The following ZFHX4 variants were observed in gnomAD, a reference collection of about 807,000 sequenced individuals.
ZFHX4 encodes the protein zinc finger homeobox 4.
In ZFHX4, 56 loss-of-function variants were observed where a neutral mutation model predicts 267.6. The observed-to-expected ratio is 0.21, with a 90% CI of 0.17 to 0.26. The LOEUF (loss-of-function observed/expected upper bound fraction) is 0.26, where lower values mean the gene tolerates loss of function less well. ZFHX4 is among the 10% of genes least tolerant of loss of function. ZFHX4 has a pLI of 1.00. For synonymous variants in ZFHX4, 1,778 were observed against 1,665.6 expected (o/e 1.07, Z -1.64); for missense variants, 4,332 against 4,420.0 (o/e 0.98, Z 0.56).
At chr8:76,768,007 G>A (rs1480672947) in intron 3 of ZFHX4, among the ~76,000 whole-genome samples, 1 of 152,154 alleles carries the variant, frequency 6.6e-6, no homozygotes, top group Admixed American at 6.6e-5. Context: ...GGAGGACAAG[G>A]ATACCTCTGG....
chr8:76,766,024 T>C (rs11990806), intron 3 of ZFHX4, among the ~76,000 whole-genome samples: 4 of 152,152 alleles, frequency 2.6e-5, no homozygotes, highest in African/African-American at 9.6e-5. Context: ...ACCTTTCTAA[T>C]GTATCTAATA....
chr8:76,815,587 G>A (rs968921587), intron 4 of ZFHX4, among the ~76,000 whole-genome samples: 6 of 151,920 alleles, frequency 3.9e-5, no homozygotes, highest in Non-Finnish European at 8.8e-5. Context: ...CTGTAGCCTC[G>A]AAATCCTGGG....
rs888794750 is a variant in ZFHX4, at chr8:76,772,864, G to A, written c.3094-5344G>A. ...TGCTATTCCATCTGCCTTGACTGCCGCTCTACCTGTTGTCCATGACAAAAA... is the reference window on the plus strand; with the variant it reads ...TGCTATTCCATCTGCCTTGACTGCCACTCTACCTGTTGTCCATGACAAAAA... On this transcript the variant is annotated intron_variant, in intron 3 of 10. Coordinates refer to ENST00000651372, the MANE Select transcript of ZFHX4 (RefSeq NM_024721.5). Among the ~76,000 whole-genome samples the A allele has an allele frequency of 3.3e-5, 5 of 151,988 alleles. No homozygotes were observed. The South Asian group carries it at 6.2e-4, about 19-fold the overall frequency.
chr8:76,791,596 T>A (rs564091062), intron 4 of ZFHX4, among the ~76,000 whole-genome samples: 20 of 152,160 alleles, frequency 1.3e-4, no homozygotes, highest in Admixed American at 2.0e-4. Flanking sequence ...AGTACTGAAC[T>A]TATTTTAGGA....
Position 76,726,434 on chromosome 8 carries a change from G to A in ZFHX4, c.3093+18386G>A, listed in dbSNP as rs1283789324. ...AATGGACACATGACCATCTCATCAA[G>A]AGGCCCATAACTTGGGAATATGGAA... On this transcript the variant is annotated intron_variant, in intron 3 of 10. Transcript: ENST00000651372. Among the ~76,000 whole-genome samples, 7 of 152,178 alleles carry A rather than the reference G, an allele frequency of 4.6e-5. No homozygotes were observed. The East Asian group carries it at 1.4e-3, about 29-fold the overall frequency.
At chr8:76,825,807 A>G (rs1811769340) in intron 4 of ZFHX4, among the ~76,000 whole-genome samples, 1 of 152,176 alleles carries the variant, frequency 6.6e-6, no homozygotes, top group Non-Finnish European at 1.5e-5. Context: ...ATTCAACTCT[A>G]TGGTTGTAGT....
intron 4 of ZFHX4, among the ~76,000 whole-genome samples, chr8:76,800,320 T>C (rs1357106612): frequency 1.3e-5 from 2 of 152,178 alleles, no homozygotes; most frequent in Non-Finnish European, 2.9e-5. Flanking sequence ...AGTTACCAGC[T>C]AGTGAGCCAT....
At position 76,853,007 on chromosome 8, in the gene ZFHX4, A is replaced by T. The variant is rs751103569; in HGVS notation, c.6086A>T (p.Asn2029Ile). The T allele has an allele frequency of 6.5e-7, 1 of 1,529,878 alleles. No individual in the cohort carries two copies. The highest frequency in any genetic ancestry group is 8.8e-7 in the Non-Finnish European group (1 of 1,130,736). 94.8% of individuals were successfully genotyped at this position (1,529,878 alleles called of 1,614,324 possible). A position where few individuals can be genotyped will look rare whatever the true frequency, so the allele number is the denominator to read the frequency against. ...TCTATGGGTCCTGTAAAGATCCCCA[A>T]CACGGTTTCTACTCCTCTGCAAGCT... Reference protein sequence around the residue: ...PSSMGPVKIPNTVSTPLQAPP... With the variant: ...PSSMGPVKIPITVSTPLQAPP... Residue 2029 changes from asparagine (N) to isoleucine (I), a missense_variant, in exon 10 of 11, where the codon AAC becomes ATC. Coordinates refer to ENST00000651372, the MANE Select transcript of ZFHX4 (RefSeq NM_024721.5).
At chr8:76,859,862 G>A (rs1005629476) in intron 10 of ZFHX4, among the ~76,000 whole-genome samples, 5 of 152,076 alleles carry the variant, frequency 3.3e-5, no homozygotes, top group Admixed American at 3.3e-4. Flanking sequence ...AGTGCGTTAA[G>A]AAGCAGGCAT....
chr8:76,726,810 A>T (rs1808865820), intron 3 of ZFHX4, among the ~76,000 whole-genome samples: 5 of 152,192 alleles, frequency 3.3e-5, no homozygotes, highest in Non-Finnish European at 7.3e-5. Context: ...AGATTACCTT[A>T]TAAAAACTCT....
rs186008910 is a variant in ZFHX4, at chr8:76,858,187, T to G, written c.9379+1887T>G. On this transcript the variant is annotated intron_variant, in intron 10 of 10. Coordinates refer to ENST00000651372, the MANE Select transcript of ZFHX4 (RefSeq NM_024721.5). Reference sequence around the variant, plus strand: ...TTCTGATATGGGCGCCCAGAGGGCCTAGGTGAAAGAAAGTGAGAAAGGAGG... The same window carrying G: ...TTCTGATATGGGCGCCCAGAGGGCCGAGGTGAAAGAAAGTGAGAAAGGAGG... Among the ~76,000 whole-genome samples, 824 of 152,340 alleles carry G rather than the reference T, an allele frequency of 5.4e-3. 8 individuals carry two copies. Among genetic ancestry groups the G allele is most frequent in the African/African-American group, 0.019 (787 of 41,580 alleles).
chr8:76,792,259 T>C (rs1049158734), intron 4 of ZFHX4, among the ~76,000 whole-genome samples: 2 of 152,104 alleles, frequency 1.3e-5, no homozygotes, highest in African/African-American at 4.8e-5. Context: ...TGGTGTTTAG[T>C]TGGGGGAAGG....
chr8:76,817,269 G>C (rs1160350589), intron 4 of ZFHX4, among the ~76,000 whole-genome samples: 1 of 152,088 alleles, frequency 6.6e-6, no homozygotes, highest in Non-Finnish European at 1.5e-5. Flanking sequence ...AAGTACTATT[G>C]GTACTTGCTC....
chr8:76,863,108 G>A lies in ZFHX4; in HGVS notation c.9394G>A (p.Gly3132Ser), dbSNP rs1008616924. 3.3e-5 allele frequency: 50 copies of A among 1,518,314 alleles called. No individual in the cohort carries two copies. Among genetic ancestry groups the A allele is most frequent in the African/African-American group, 5.6e-5 (4 of 71,952 alleles). 94.1% of individuals were successfully genotyped at this position (1,518,314 alleles called of 1,614,324 possible). A position where few individuals can be genotyped will look rare whatever the true frequency, so the allele number is the denominator to read the frequency against. ...PQNSNTLTPP[G>S]AGMLGFPTSA... The stretch of plus-strand genomic sequence containing the variant: ...GTTGTTTTCAGCTTTAACACCTCCC[G>A]GTGCAGGCATGCTTGGGTTTCCTAC... Residue 3132 changes from glycine (G) to serine (S), a missense_variant, in exon 11 of 11, where the codon GGT becomes AGT. Gly to Ser is a moderately conservative substitution (Grantham distance 56). Transcript: ENST00000651372.
chr8:76,723,017 G>C (rs1158183740), intron 3 of ZFHX4, among the ~76,000 whole-genome samples: 1 of 152,016 alleles, frequency 6.6e-6, no homozygotes, highest in Non-Finnish European at 1.5e-5. Context: ...AGTGAATGTA[G>C]CTCGTAGAAA....
chr8:76,705,336 G>T lies in ZFHX4; in HGVS notation c.1248G>T (p.Val416=). The T allele has an allele frequency of 6.2e-7, 1 of 1,613,898 alleles. No individual in the cohort carries two copies. Among genetic ancestry groups the T allele is most frequent in the Non-Finnish European group, 8.5e-7 (1 of 1,179,864 alleles). Residue 416 remains valine (V), a synonymous_variant, in exon 2 of 11, where the codon GTG becomes GTT. Coordinates refer to ENST00000651372, the MANE Select transcript of ZFHX4 (RefSeq NM_024721.5). ...TGGGGGGGCTGTCTAGTTTAGTAGT[G>T]AACACCCCAATTACCTCTGTCTCCC... ...VNLGGLSSLV[V]NTPITSVSLS...
intron 3 of ZFHX4, among the ~76,000 whole-genome samples, chr8:76,751,278 G>A (rs946116191): frequency 6.6e-6 from 1 of 152,136 alleles, no homozygotes; most frequent in Admixed American, 6.6e-5. Flanking sequence ...GAACTGAATT[G>A]TCTAGTTGTT....
At chr8:76,713,952 A>T (rs1160247045) in intron 3 of ZFHX4, among the ~76,000 whole-genome samples, 1 of 152,016 alleles carries the variant, frequency 6.6e-6, no homozygotes, top group Non-Finnish European at 1.5e-5. Flanking sequence ...CCACAACAAC[A>T]ACACACCACA....
At chr8:76,827,056 T>A (rs1811804518) in intron 4 of ZFHX4, among the ~76,000 whole-genome samples, 3 of 152,132 alleles carry the variant, frequency 2.0e-5, no homozygotes, top group Admixed American at 2.0e-4. Context: ...TTCTAGACAA[T>A]AAAGAGAAAT....
Sources: gnomAD v4.1 joint callset for allele counts (sites outside exome capture counted in the v4.1 genomes callset) on GRCh38, gnomAD v4.1.1 for gene constraint, MANE v1.5 for transcripts, NCBI Gene and HGNC (gene_info 2026-07-23, HGNC 2026-07-21) for gene names.